NELL1: variants seen among roughly 807,000 people sequenced by gnomAD.
NELL1 encodes neural EGFL like 1.
Under a neutral mutation model 107.4 loss-of-function variants are expected in NELL1, and 76 were observed. The ratio of observed to expected loss-of-function variants is 0.71; its 90% confidence interval spans 0.59 to 0.86. NELL1 has a LOEUF of 0.86. Ranked by LOEUF, NELL1 falls within the 40% of genes least tolerant of loss-of-function variation. NELL1 has a pLI of 0.00. For missense variants in NELL1, 1,024 were observed against 1,005.5 expected (o/e 1.02, Z -0.25); for synonymous variants, 353 against 341.2 (o/e 1.03, Z -0.38).
At chr11:21,232,150 A>AAT (rs1565122694) in intron 14 of NELL1, among the ~76,000 whole-genome samples, 96 of 17,300 alleles carry the variant, frequency 5.5e-3, no homozygotes, top group Admixed American at 0.033. Flanking sequence ...AAAAAAATAA[A>AAT]AAAAAAAAAA....
chr11:21,042,964 T>A (rs1458255138), intron 12 of NELL1, among the ~76,000 whole-genome samples: 2 of 152,166 alleles, frequency 1.3e-5, no homozygotes, highest in Non-Finnish European at 2.9e-5. Flanking sequence ...GGACATAGAA[T>A]GAATAGCAAT....
intron 7 of NELL1, among the ~76,000 whole-genome samples, chr11:20,920,743 C>T (rs1850359588): frequency 6.6e-6 from 1 of 152,072 alleles, no homozygotes; most frequent in Admixed American, 6.6e-5. Context: ...CTTTCTCATT[C>T]TTTCCCATTG....
At chr11:21,106,727 C>T (rs1854978899) in intron 12 of NELL1, among the ~76,000 whole-genome samples, 1 of 152,108 alleles carries the variant, frequency 6.6e-6, no homozygotes, top group African/African-American at 2.4e-5. Context: ...TTTTACCTGA[C>T]TTCTGTAGGT....
intron 15 of NELL1, among the ~76,000 whole-genome samples, chr11:21,492,347 G>C (rs1010936576): frequency 6.6e-6 from 1 of 152,014 alleles, no homozygotes; most frequent in African/African-American, 2.4e-5. Context: ...TGATTCCTCA[G>C]GGATCTAGAA....
chr11:21,056,080 A>T lies in NELL1; in HGVS notation c.1301-57509A>T, dbSNP rs146261710. 1.2e-4 allele frequency among the ~76,000 whole-genome samples: 19 copies of T among 152,262 alleles called. No individual in the cohort carries two copies. The East Asian group carries it at 3.5e-3, about 28-fold the overall frequency. On this transcript the variant is annotated intron_variant, in intron 12 of 19. Coordinates refer to ENST00000357134, the MANE Select transcript of NELL1 (RefSeq NM_006157.5). ...TAATCTTCACAACATGCTGATGAGG[A>T]TATCCTCTATTTGAGGATAGAAAAG...
intron 14 of NELL1, among the ~76,000 whole-genome samples, chr11:21,307,940 G>C (rs181725178): frequency 6.6e-6 from 1 of 151,920 alleles, no homozygotes; most frequent in Non-Finnish European, 1.5e-5. Context: ...ACCTCAGAAA[G>C]ATTTAGGGCC....
At chr11:20,757,838 C>T (rs186354846) in intron 2 of NELL1, among the ~76,000 whole-genome samples, 2 of 152,282 alleles carry the variant, frequency 1.3e-5, no homozygotes, top group African/African-American at 2.4e-5. Context: ...TTCCTCTTAA[C>T]ATGCTGTCTT....
chr11:21,389,835 G>A (rs774351228), intron 15 of NELL1, among the ~76,000 whole-genome samples: 38 of 151,694 alleles, frequency 2.5e-4, no homozygotes, highest in Non-Finnish European at 4.3e-4. Context: ...TTGGACATAT[G>A]GGTTGTTTCC....
intron 12 of NELL1, among the ~76,000 whole-genome samples, chr11:21,040,703 G>A (rs1048756562): frequency 6.6e-6 from 1 of 152,108 alleles, no homozygotes; most frequent in Non-Finnish European, 1.5e-5. Flanking sequence ...AGAATGAGTA[G>A]TTCATCCAAT....
At chr11:21,480,850 G>T (rs996746101) in intron 15 of NELL1, among the ~76,000 whole-genome samples, 4 of 152,168 alleles carry the variant, frequency 2.6e-5, no homozygotes, top group Non-Finnish European at 4.4e-5. Flanking sequence ...AATAAACCAA[G>T]TGGGGTGGTC....
intron 14 of NELL1, among the ~76,000 whole-genome samples, chr11:21,325,823 T>A (rs568675158): frequency 1.2e-4 from 19 of 152,138 alleles, no homozygotes; most frequent in African/African-American, 4.1e-4. Flanking sequence ...CAACAACTGA[T>A]CTGATTTCTT....
chr11:21,478,171 C>G (rs911758900), intron 15 of NELL1, among the ~76,000 whole-genome samples: 2 of 152,030 alleles, frequency 1.3e-5, no homozygotes, highest in Non-Finnish European at 2.9e-5. Context: ...GGAAAACTGC[C>G]ACTTTTAAAC....
intron 13 of NELL1, among the ~76,000 whole-genome samples, chr11:21,175,850 C>T (rs763887825): frequency 6.6e-6 from 1 of 151,816 alleles, no homozygotes; most frequent in Non-Finnish European, 1.5e-5. Context: ...AAAGTTGAGG[C>T]TTTGTGCCGT....
In NELL1 at chr11:21,575,082, G is replaced by C; in HGVS notation, c.*60G>C. On this transcript the variant is annotated 3_prime_UTR_variant, in exon 20 of 20. Transcript: ENST00000357134. ...CGAAATGACCATCCAACGTGATTAA[G>C]GATAGGAATCGGTAGTTTGGTTTTT... 7.1e-7 allele frequency: 1 copy of C among 1,405,956 alleles called. No homozygotes were observed. Among genetic ancestry groups the C allele is most frequent in the Non-Finnish European group, 1.0e-6 (1 of 993,328 alleles). 87.1% of individuals were successfully genotyped at this position (1,405,956 alleles called of 1,614,324 possible). A position where few individuals can be genotyped will look rare whatever the true frequency, so the allele number is the denominator to read the frequency against.
intron 3 of NELL1, among the ~76,000 whole-genome samples, chr11:20,831,475 A>G (rs1280597805): frequency 6.6e-6 from 1 of 152,244 alleles, no homozygotes; most frequent in Non-Finnish European, 1.5e-5. Context: ...GGTGGCCAGG[A>G]AGCTCTTTCA....
intron 10 of NELL1, 32 bp downstream of exon 10, chr11:20,937,891 CT>C: frequency 6.3e-7 from 1 of 1,595,696 alleles, no homozygotes; most frequent in Non-Finnish European, 8.6e-7. Context: ...CCTATCACTT[CT>C]GGAAAATGAA....
chr11:20,941,250 A>G (rs1376374959), intron 10 of NELL1, among the ~76,000 whole-genome samples: 1 of 152,232 alleles, frequency 6.6e-6, no homozygotes, highest in African/African-American at 2.4e-5. Flanking sequence ...TAGGAATCAG[A>G]GAATTCCTTT....
In NELL1 at chr11:20,747,930, G is replaced by A. The variant is rs547626857; in HGVS notation, c.185-35750G>A. 5.3e-5 allele frequency among the ~76,000 whole-genome samples: 8 copies of A among 152,320 alleles called. No homozygotes were observed. In the South Asian group the frequency reaches 1.5e-3, roughly 28 times the overall value. Reference sequence around the variant, plus strand: ...TGTCTGTTGGCATCACTGAATGAAGGAAAAGCTGGCTGGGGAGGTGGGGAA... The same window carrying A: ...TGTCTGTTGGCATCACTGAATGAAGAAAAAGCTGGCTGGGGAGGTGGGGAA... On this transcript the variant is annotated intron_variant, in intron 2 of 19. Coordinates refer to ENST00000357134, the MANE Select transcript of NELL1 (RefSeq NM_006157.5).
At chr11:20,872,937 A>G (rs1008175978) in intron 4 of NELL1, among the ~76,000 whole-genome samples, 5 of 152,096 alleles carry the variant, frequency 3.3e-5, no homozygotes, top group African/African-American at 9.7e-5. Flanking sequence ...TTACATATTA[A>G]TATAACAAGT....
Sources: allele counts gnomAD v4.1 joint callset (sites outside exome capture counted in the v4.1 genomes callset), GRCh38; gene constraint gnomAD v4.1.1; transcripts MANE v1.5; gene names NCBI Gene and HGNC (gene_info 2026-07-23, HGNC 2026-07-21).